CCAR2: variants seen among roughly 807,000 people sequenced by gnomAD.
The protein encoded by CCAR2 is cell cycle and apoptosis regulator 2.
CCAR2 carries 21 observed loss-of-function variants against 108.1 expected under a neutral mutation model. The observed-to-expected ratio is 0.19, with a 90% CI of 0.14 to 0.28. The LOEUF (loss-of-function observed/expected upper bound fraction) is 0.28, where lower values mean the gene tolerates loss of function less well. CCAR2 is among the 10% of genes least tolerant of loss of function. The pLI, the probability that CCAR2 is intolerant of heterozygous loss-of-function variation, is 1.00. For missense variants in CCAR2, 1,126 were observed against 1,177.0 expected, an observed-to-expected ratio of 0.96 and a Z score of 0.63; for synonymous variants, 577 against 472.8, an observed-to-expected ratio of 1.22 and a Z score of -2.86.
chr8:22,606,463 C>A, intron 3 of CCAR2, 144 bp from the exon 4 acceptor site: 1 of 688,912 alleles, frequency 1.5e-6, no homozygotes, highest in South Asian at 1.8e-5. Context: ...TGGAGTATGC[C>A]CACCACACCT....
At chr8:22,613,870 T>G in intron 8 of CCAR2, 2 of 557,094 alleles carry the variant, frequency 3.6e-6, no homozygotes, top group Non-Finnish European at 6.4e-6. Flanking sequence ...TTCTCTGTCA[T>G]GTGTTATAAG....
chr8:22,614,742 C>CTGCTGCTTTCATCCTGATGGGT, intron 10 of CCAR2, 96 bp from the exon 11 acceptor site: 1 of 1,497,516 alleles, frequency 6.7e-7, no homozygotes, highest in East Asian at 2.4e-5. Flanking sequence ...TCCCCACTTC[C>CTGCTGCTTTCATCCTGATGGGT]GGCTGCCTTC....
intron 11 of CCAR2, chr8:22,615,213 C>T: frequency 2.3e-6 from 2 of 862,976 alleles, no homozygotes; most frequent in Non-Finnish European, 3.5e-6. Flanking sequence ...GTTGTCCTTG[C>T]ACCTTGTAGG....
Position 22,614,761 on chromosome 8 carries a change from G to A in CCAR2, c.1042-77G>A, listed in dbSNP as rs766484905. On this transcript the variant is annotated intron_variant, in intron 10 of 20. Transcript: ENST00000308511. ...CACTTCCGGCTGCCTTCATCCTGAT[G>A]GGTGGCAGCCTTGCCCTGCAGTGGG... The A allele has an allele frequency of 5.8e-5, 92 of 1,587,486 alleles. No individual in the cohort carries two copies. In the African/African-American group the frequency reaches 1.1e-3, roughly 20 times the overall value.
At position 22,614,097 on chromosome 8, in the gene CCAR2, T is replaced by C. The variant is rs556307922; in HGVS notation, c.710T>C (p.Ile237Thr). 2.0e-5 allele frequency: 32 copies of C among 1,613,640 alleles called. No homozygotes were observed. The African/African-American group carries it at 2.7e-4, about 13-fold the overall frequency. The change falls in exon 9 of 21, where the codon ATC (isoleucine) becomes ACC (threonine). Residue 237 changes from isoleucine (I) to threonine (T), a missense_variant. Ile to Thr is a moderately conservative substitution (Grantham distance 89). Around this residue, in one of 4 missense-constraint regions of CCAR2, gnomAD observed 1,013 missense variants for 993.9 expected, o/e 1.02. Coordinates refer to ENST00000308511, the MANE Select transcript of CCAR2 (RefSeq NM_001393997.1). ...CCCTTGCTGTCTTCCTGTAGCCCCA[T>C]CTGTGACTTCCTAGAACTCCAGCGC... ...HLTPYTVDSP[I>T]CDFLELQRRY...
At position 22,617,436 on chromosome 8, in the gene CCAR2, T is replaced by C; in HGVS notation, c.1862T>C (p.Leu621Ser). The C allele has an allele frequency of 1.3e-6, 2 of 1,556,620 alleles. No individual in the cohort carries two copies. The highest frequency in any genetic ancestry group is 8.7e-7 in the Non-Finnish European group (1 of 1,155,266). Residue 621 changes from leucine to serine, a missense_variant, in exon 15 of 21, where the codon TTG becomes TCG. By Grantham distance (145) the Leu-to-Ser change is moderately radical. Transcript: ENST00000308511. ...SEAPLKEDGL[L>S]PKPLSSGGEE... ...CCTCTGTAGAAGGAGGATGGGCTTT[T>C]GCCCAAACCACTCTCTTCTGGGGGA... is the stretch of plus-strand genomic sequence containing the variant.
chr8:22,621,242 ACGG>A (rs553792477), downstream of CCAR2: 206 of 757,638 alleles, frequency 2.7e-4, 2 homozygotes, highest in African/African-American at 3.2e-3. Flanking sequence ...GAGTGGGGAG[ACGG>A]CGGCCTGCCT....
chr8:22,604,859 C>CCCGCCGCCCCT lies in CCAR2; in HGVS notation c.-39+18_-39+19insCGCCGCCCCTC, dbSNP rs1800999274. On this transcript the variant is annotated intron_variant, in intron 1 of 20. Coordinates refer to ENST00000308511, the MANE Select transcript of CCAR2 (RefSeq NM_001393997.1). ...GGCCCGCAGGTGGGTTGGGGGGCCC[C>CCCGCCGCCCCT]CTGCCGCCCCTCTGCCCCTTCGCCC... 1.1e-5 allele frequency: 5 copies of CCCGCCGCCCCT among 451,778 alleles called. No homozygotes were observed. The highest frequency in any genetic ancestry group is 2.2e-5 in the Non-Finnish European group (5 of 225,276). 28.0% of individuals were successfully genotyped at this position (451,778 alleles called of 1,614,324 possible). A position where few individuals can be genotyped will look rare whatever the true frequency, so the allele number is the denominator to read the frequency against.
intron 7 of CCAR2, among the ~76,000 whole-genome samples, chr8:22,610,964 G>C (rs553365162): frequency 6.6e-6 from 1 of 152,018 alleles, no homozygotes; most frequent in South Asian, 2.1e-4. Context: ...CACTTATAAC[G>C]TAGTTATAGT....
At chr8:22,621,304 G>A (rs114738244), downstream of CCAR2, 2,540 of 1,352,240 alleles carry the variant, frequency 1.9e-3, 4 homozygotes, top group Non-Finnish European at 2.2e-3. Flanking sequence ...GCAAAGGGCC[G>A]GCAAGTGAAC....
In CCAR2 at chr8:22,619,367, G is replaced by T; in HGVS notation, c.2727+12G>T. The T allele has an allele frequency of 6.4e-7, 1 of 1,553,664 alleles. No homozygotes were observed. The highest frequency in any genetic ancestry group is 8.7e-7 in the Non-Finnish European group (1 of 1,149,576). On this transcript the variant is annotated intron_variant, in intron 20 of 20. Coordinates refer to ENST00000308511, the MANE Select transcript of CCAR2 (RefSeq NM_001393997.1). ...GGGTGGTGGAAAAGGTAAGGTGGGG[G>T]TGGACCAGGAGGCAGCACAGCTCCT... is the stretch of plus-strand genomic sequence containing the variant.
At chr8:22,612,935 G>A (rs760732157) in intron 7 of CCAR2, 82 bp from the exon 8 acceptor site, 3 of 1,443,036 alleles carry the variant, frequency 2.1e-6, no homozygotes, top group African/African-American at 2.9e-5. Context: ...GATTTCGATT[G>A]TTTCCAGTTC....
intron 3 of CCAR2, 121 bp downstream of exon 3, chr8:22,606,297 C>G (rs1191180382): frequency 3.3e-6 from 3 of 908,402 alleles, no homozygotes; most frequent in Non-Finnish European, 5.3e-6. Context: ...TGGTAGTGGG[C>G]TAGTATGGGG....
chr8:22,606,257 A>G lies in CCAR2; in HGVS notation c.150+81A>G, dbSNP rs1801075055. The G allele has an allele frequency of 2.5e-6, 3 of 1,181,520 alleles. No homozygotes were observed. In the Admixed American group the frequency reaches 5.1e-5, roughly 20 times the overall value. 73.2% of individuals were successfully genotyped at this position (1,181,520 alleles called of 1,614,324 possible). A position where few individuals can be genotyped will look rare whatever the true frequency, so the allele number is the denominator to read the frequency against. On this transcript the variant is annotated intron_variant, in intron 3 of 20. Transcript: ENST00000308511. ...GCCTGGTGCTCTTTTTCTCTTACAT[A>G]ATAGTGTTTATCATTCCTGATCCCT... is the stretch of plus-strand genomic sequence containing the variant.
Position 22,608,215 on chromosome 8 carries a change from C to T in CCAR2, c.584+150C>T, listed in dbSNP as rs1801152930. ...TACCACTAACATTCTTTGCCTGCAGCTAGATCCTAGTCCCTTTTCTGTGAA... is the reference window on the plus strand; with the variant it reads ...TACCACTAACATTCTTTGCCTGCAGTTAGATCCTAGTCCCTTTTCTGTGAA... On this transcript the variant is annotated intron_variant, in intron 7 of 20. Coordinates refer to ENST00000308511, the MANE Select transcript of CCAR2 (RefSeq NM_001393997.1). The T allele has an allele frequency of 4.9e-6, 3 of 609,010 alleles. No homozygotes were observed. In the African/African-American group the frequency reaches 5.6e-5, roughly 11 times the overall value. The allele number at this position is 609,010 out of a possible 1,614,324, so 37.7% of individuals were successfully genotyped here.
chr8:22,620,056 A>C lies in CCAR2; in HGVS notation c.*374A>C. 1 of 249,608 alleles carries C rather than the reference A, an allele frequency of 4.0e-6. No homozygotes were observed. The highest frequency in any genetic ancestry group is 5.4e-5 in the South Asian group (1 of 18,418). The allele number at this position is 249,608 out of a possible 1,614,324, so 15.5% of individuals were successfully genotyped here. ...CTTTTCGAGTGTGGGACAAGGTCTGATGTCAGTGAACGGAACTGAAGAGCA... is the reference window on the plus strand; with the variant it reads ...CTTTTCGAGTGTGGGACAAGGTCTGCTGTCAGTGAACGGAACTGAAGAGCA... On this transcript the variant is annotated 3_prime_UTR_variant, in exon 21 of 21. Transcript: ENST00000308511.
Position 22,614,488 on chromosome 8 carries a change from T to G in CCAR2, c.1026T>G (p.Pro342=). ...AGCCAAGGGAGACGCCAGAGCATCC[T>G]CTGAAGCAGATTAAGGTAAGAGCTG... The part of the protein sequence containing the change: ...MAEPRETPEH[P]LKQIKFLLGR... The change falls in exon 10 of 21, where the codon CCT becomes CCG. Residue 342 remains proline (P), a synonymous_variant. Transcript: ENST00000308511. 4 of 1,613,944 alleles carry G rather than the reference T, an allele frequency of 2.5e-6. No homozygotes were observed. Among genetic ancestry groups the G allele is most frequent in the Non-Finnish European group, 2.5e-6 (3 of 1,180,004 alleles).
At position 22,606,970 on chromosome 8, in the gene CCAR2, C is replaced by T. The variant is rs373950913; in HGVS notation, c.303C>T (p.Asn101=). Residue 101 remains asparagine, a synonymous_variant, in exon 5 of 21, where the codon AAC becomes AAT. Coordinates refer to ENST00000308511, the MANE Select transcript of CCAR2 (RefSeq NM_001393997.1). The stretch of plus-strand genomic sequence containing the variant: ...AGGTGCTGGTGAAGGCTGCATACAA[C>T]CCAGGCCAGGCAGTGCCCTGGAATG... ...GEKVLVKAAY[N]PGQAVPWNAV... is the part of the protein sequence containing the mutation. 1.9e-6 allele frequency: 3 copies of T among 1,614,148 alleles called. No individual in the cohort carries two copies. The highest frequency in any genetic ancestry group is 2.5e-6 in the Non-Finnish European group (3 of 1,180,030).
In CCAR2 at chr8:22,616,228, A is replaced by G. The variant is rs200095861; in HGVS notation, c.1825A>G (p.Thr609Ala). 4 of 1,612,734 alleles carry G rather than the reference A, an allele frequency of 2.5e-6. No individual in the cohort carries two copies. The highest frequency in any genetic ancestry group is 2.2e-5 in the South Asian group (2 of 91,054). Residue 609 changes from threonine (T) to alanine (A), a missense_variant, in exon 14 of 21, where the codon ACA becomes GCA. Transcript: ENST00000308511. ...KDEAQNEGPA[T>A]ESEAPLKEDG... ...TGAGGCACAGAATGAGGGCCCGGCT[A>G]CAGAGTCAGAGGCCCCGCTGGTGAG...
Sources: allele counts gnomAD v4.1 joint callset (sites outside exome capture counted in the v4.1 genomes callset), GRCh38; gene constraint gnomAD v4.1.1; regional missense constraint gnomAD v4.1.1; transcripts MANE v1.5; gene names NCBI Gene and HGNC (gene_info 2026-07-23, HGNC 2026-07-21).